Variants in BCKDHB observed in about 807,000 individuals in gnomAD.
BCKDHB encodes the protein branched chain keto acid dehydrogenase E1 subunit beta.
In BCKDHB, 41 loss-of-function variants were observed where a neutral mutation model predicts 48.5. That is an observed-to-expected ratio of 0.85 (90% CI 0.66 to 1.10). BCKDHB has a LOEUF of 1.10. Among genes scored for constraint, BCKDHB ranks in the 50% least tolerant of loss-of-function variants. The pLI, the probability that BCKDHB is intolerant of heterozygous loss-of-function variation, is 0.00. For missense variants in BCKDHB, 496 were observed against 494.2 expected, an observed-to-expected ratio of 1.00 and a Z score of -0.03; for synonymous variants, 201 against 174.8, an observed-to-expected ratio of 1.15 and a Z score of -1.18.
chr6:80,290,061 A>G (rs1000130224), intron 9 of BCKDHB, among the ~76,000 whole-genome samples: 3 of 152,088 alleles, frequency 2.0e-5, no homozygotes, highest in Non-Finnish European at 4.4e-5. Flanking sequence ...ATGTTGCTCT[A>G]CCTGAGTACT....
At chr6:80,390,486 A>G in the BCKDHB span, among the ~76,000 whole-genome samples, 1 of 152,188 alleles carries the variant, frequency 6.6e-6, no homozygotes, top group African/African-American at 2.4e-5. Context: ...TGTTAAAAAC[A>G]TGTTTGTGCA....
the BCKDHB span, among the ~76,000 whole-genome samples, chr6:80,458,181 C>T: frequency 6.6e-6 from 1 of 152,104 alleles, no homozygotes; most frequent in Non-Finnish European, 1.5e-5. Context: ...ACTATTTTGC[C>T]AGTCATCTTA....
chr6:80,218,925 G>T (rs1335414877), intron 8 of BCKDHB, among the ~76,000 whole-genome samples: 1 of 152,066 alleles, frequency 6.6e-6, no homozygotes, highest in Non-Finnish European at 1.5e-5. Context: ...ACTGTTGGGG[G>T]TAAGATTTTA....
At chr6:80,127,440 C>A in intron 1 of BCKDHB, 107 bp from the exon 2 acceptor site, 1 of 901,252 alleles carries the variant, frequency 1.1e-6, no homozygotes, top group South Asian at 1.4e-5. Context: ...TGCATAATAT[C>A]TTTCTTTGTA....
chr6:80,222,435 GCCCCT>G (rs1775499324), intron 8 of BCKDHB, among the ~76,000 whole-genome samples: 1 of 152,068 alleles, frequency 6.6e-6, no homozygotes, highest in Non-Finnish European at 1.5e-5. Flanking sequence ...TGAAAAATAT[GCCCCT>G]CCTGATTGAC....
In BCKDHB at chr6:80,307,696, A is replaced by G. The variant is rs73748787; in HGVS notation, c.1038+34475A>G. The G allele has an allele frequency of 1.1e-3, 1,111 of 970,530 alleles. 6 individuals are homozygous for G. The African/African-American group carries it at 0.018, about 16-fold the overall frequency. The allele number at this position is 970,530 out of a possible 1,614,324, so 60.1% of individuals were successfully genotyped here. ...CACATTAGGCCTATTTTAACACACA[A>G]CACTGTGTAAATGTCCAGATTGACT... On this transcript the variant is annotated intron_variant, in intron 9 of 9. Transcript: ENST00000320393.
chr6:80,399,884 C>T, the BCKDHB span, among the ~76,000 whole-genome samples: 1 of 151,980 alleles, frequency 6.6e-6, no homozygotes, highest in Non-Finnish European at 1.5e-5. Context: ...CAAAACCAGA[C>T]ATATTGACTA....
chr6:80,376,304 A>G, the BCKDHB span, among the ~76,000 whole-genome samples: 1 of 152,056 alleles, frequency 6.6e-6, no homozygotes, highest in African/African-American at 2.4e-5. Context: ...TGGCAGACAC[A>G]GGCCTCACCC....
chr6:80,417,345 C>T, the BCKDHB span, among the ~76,000 whole-genome samples: 1 of 152,018 alleles, frequency 6.6e-6, no homozygotes, highest in African/African-American at 2.4e-5. Flanking sequence ...AGCCCATTTA[C>T]CTCAAGATTA....
At chr6:80,377,299 C>G in the BCKDHB span, among the ~76,000 whole-genome samples, 8 of 152,140 alleles carry the variant, frequency 5.3e-5, no homozygotes, top group South Asian at 8.3e-4. Context: ...TCCTCGGCCT[C>G]CCAAAGTGCT....
chr6:80,211,881 C>T (rs931655855), intron 8 of BCKDHB, among the ~76,000 whole-genome samples: 1 of 152,104 alleles, frequency 6.6e-6, no homozygotes, highest in Non-Finnish European at 1.5e-5. Flanking sequence ...CTCAAATCAG[C>T]AAGTTTTTTA....
intron 1 of BCKDHB, among the ~76,000 whole-genome samples, chr6:80,113,188 C>T (rs939402223): frequency 2.4e-4 from 36 of 152,180 alleles, no homozygotes; most frequent in African/African-American, 8.7e-4. Context: ...GGATGAGCTG[C>T]CATGGCCAAC....
At chr6:80,451,323 A>G in the BCKDHB span, among the ~76,000 whole-genome samples, 3 of 152,318 alleles carry the variant, frequency 2.0e-5, no homozygotes, top group South Asian at 6.2e-4. Flanking sequence ...TTCTAATTCA[A>G]CTTTTTAAAA....
intron 9 of BCKDHB, among the ~76,000 whole-genome samples, chr6:80,282,569 CA>C (rs969412655): frequency 6.6e-6 from 1 of 151,898 alleles, no homozygotes; most frequent in African/African-American, 2.4e-5. Context: ...ATGGATTTAT[CA>C]AAATCATTAA....
intron 9 of BCKDHB, among the ~76,000 whole-genome samples, chr6:80,338,845 A>G (rs1769738656): frequency 6.6e-6 from 1 of 152,208 alleles, no homozygotes; most frequent in South Asian, 2.1e-4. Context: ...GAGTCATAAA[A>G]CAATATGAAA....
intron 8 of BCKDHB, among the ~76,000 whole-genome samples, chr6:80,252,959 C>T (rs567455174): frequency 6.6e-6 from 1 of 152,190 alleles, no homozygotes; most frequent in Non-Finnish European, 1.5e-5. Context: ...TTATCATCAT[C>T]CCCATCACCA....
At chr6:80,437,923 C>A in the BCKDHB span, among the ~76,000 whole-genome samples, 1 of 152,154 alleles carries the variant, frequency 6.6e-6, no homozygotes, top group African/African-American at 2.4e-5. Flanking sequence ...TGCTGCAAAT[C>A]CCCTTTTCCT....
intron 9 of BCKDHB, among the ~76,000 whole-genome samples, chr6:80,305,266 A>T (rs1767802231): frequency 6.6e-6 from 1 of 152,034 alleles, no homozygotes; most frequent in African/African-American, 2.4e-5. Flanking sequence ...ATCATTTGAG[A>T]CCTTTATGGA....
chr6:80,239,219 A>G (rs1007110656), intron 8 of BCKDHB, among the ~76,000 whole-genome samples: 4 of 152,186 alleles, frequency 2.6e-5, no homozygotes, highest in African/African-American at 9.7e-5. Flanking sequence ...TCCCACCAAC[A>G]GTGTAAAAGT....
Sources: allele counts gnomAD v4.1 joint callset (sites outside exome capture counted in the v4.1 genomes callset), GRCh38; gene constraint gnomAD v4.1.1; transcripts MANE v1.5; gene names NCBI Gene and HGNC (gene_info 2026-07-23, HGNC 2026-07-21).